The following NOS1AP variants were observed in gnomAD, a reference collection of about 807,000 sequenced individuals.
NOS1AP encodes the protein nitric oxide synthase 1 adaptor protein, also known as carboxyl-terminal PDZ ligand of neuronal nitric oxide synthase protein.
A neutral mutation model predicts 56.2 loss-of-function variants in NOS1AP; 21 were observed. The ratio of observed to expected loss-of-function variants is 0.37; its 90% confidence interval spans 0.26 to 0.54. The LOEUF is 0.54. NOS1AP is among the 20% of genes least tolerant of loss of function. The pLI is 0.84. For synonymous variants in NOS1AP, 270 were observed against 274.6 expected, an observed-to-expected ratio of 0.98 and a Z score of 0.17; for missense variants, 522 against 657.8, an observed-to-expected ratio of 0.79 and a Z score of 2.26.
chr1:162,226,992 A>G (rs2101664135), intron 2 of NOS1AP, among the ~76,000 whole-genome samples: 1 of 152,012 alleles, frequency 6.6e-6, no homozygotes, highest in East Asian at 1.9e-4. Context: ...CCATCATACT[A>G]CCTGAAATGA....
rs115139582 is a variant in NOS1AP at position 162,348,908 on chromosome 1, G to A, written c.595+4932G>A. Among the ~76,000 whole-genome samples, 668 of 152,280 alleles carry A rather than the reference G, an allele frequency of 4.4e-3. 4 individuals carry two copies. Among genetic ancestry groups the A allele is most frequent in the African/African-American group, 0.015 (623 of 41,550 alleles). Reference sequence around the variant, plus strand: ...CTCTATTAAGACCTTCAACTTTGCCGGGCGCAGTGGCTCATGCCTGTAATC... The same window carrying A: ...CTCTATTAAGACCTTCAACTTTGCCAGGCGCAGTGGCTCATGCCTGTAATC... On this transcript the variant is annotated intron_variant, in intron 6 of 9. Coordinates refer to ENST00000361897, the MANE Select transcript of NOS1AP (RefSeq NM_014697.3).
chr1:162,342,532 T>C, intron 5 of NOS1AP: 1 of 479,242 alleles, frequency 2.1e-6, no homozygotes, highest in South Asian at 1.5e-5. Flanking sequence ...CCAAGGTCCC[T>C]AGGAGTTCAC....
rs932454652 is a variant in NOS1AP, at chr1:162,261,137, A to G, written c.178-26207A>G. Among the ~76,000 whole-genome samples the G allele has an allele frequency of 2.7e-4, 37 of 139,610 alleles. 4 individuals carry two copies. The highest frequency in any genetic ancestry group is 3.5e-3 in the Middle Eastern group (1 of 282). The allele number at this position is 139,610 out of a possible 152,430, so 91.6% of individuals were successfully genotyped here. On this transcript the variant is annotated intron_variant, in intron 2 of 9. Coordinates refer to ENST00000361897, the MANE Select transcript of NOS1AP (RefSeq NM_014697.3). The stretch of plus-strand genomic sequence containing the variant: ...TTTGGAGATATATATGTTCAGGTAT[A>G]CTTGGCAGAAACAACCAGTAAATCT...
intron 2 of NOS1AP, among the ~76,000 whole-genome samples, chr1:162,170,237 A>G (rs1450078040): frequency 1.3e-5 from 2 of 152,188 alleles, no homozygotes; most frequent in African/African-American, 4.8e-5. Flanking sequence ...GATATTCTTG[A>G]GTGCTCACTA....
intron 4 of NOS1AP, among the ~76,000 whole-genome samples, chr1:162,307,532 G>A (rs934115194): frequency 1.3e-5 from 2 of 152,182 alleles, no homozygotes; most frequent in Admixed American, 6.5e-5. Flanking sequence ...GGCCAGACGC[G>A]GTGGCTCATG....
intron 1 of NOS1AP, among the ~76,000 whole-genome samples, chr1:162,148,869 A>G (rs750536681): frequency 2.1e-4 from 32 of 152,282 alleles, no homozygotes; most frequent in Non-Finnish European, 4.1e-4. Context: ...ATGGCAGTGT[A>G]GACAGAGAGG....
chr1:162,249,944 T>C (rs1653796060), intron 2 of NOS1AP, among the ~76,000 whole-genome samples: 1 of 152,158 alleles, frequency 6.6e-6, no homozygotes, highest in African/African-American at 2.4e-5. Flanking sequence ...AAGTAAAGAC[T>C]TTGTAGGTTG....
intron 2 of NOS1AP, among the ~76,000 whole-genome samples, chr1:162,211,770 C>T (rs576488484): frequency 2.6e-5 from 4 of 152,030 alleles, no homozygotes; most frequent in African/African-American, 4.8e-5. Context: ...CTTTGCTGAC[C>T]GTATCCTGGT....
intron 2 of NOS1AP, among the ~76,000 whole-genome samples, chr1:162,196,466 T>C (rs1410761841): frequency 1.3e-5 from 2 of 152,226 alleles, no homozygotes; most frequent in African/African-American, 4.8e-5. Context: ...GAAGATGTGG[T>C]GTGCAGCACA....
At chr1:162,181,872 A>C (rs1044482139) in intron 2 of NOS1AP, among the ~76,000 whole-genome samples, 1 of 152,216 alleles carries the variant, frequency 6.6e-6, no homozygotes, top group Admixed American at 6.5e-5. Flanking sequence ...GTCTGAGTTG[A>C]TTTCAAGTGT....
chr1:162,209,787 A>AT (rs1652287929), intron 2 of NOS1AP, among the ~76,000 whole-genome samples: 1 of 151,906 alleles, frequency 6.6e-6, no homozygotes, highest in Non-Finnish European at 1.5e-5. Flanking sequence ...GGGCAAGGGC[A>AT]GGGGGACTCT....
chr1:162,339,594 C>A (rs1657045243), intron 5 of NOS1AP, among the ~76,000 whole-genome samples: 1 of 152,078 alleles, frequency 6.6e-6, no homozygotes, highest in Admixed American at 6.6e-5. Context: ...TCTAGAAGAC[C>A]CACAGACAAG....
intron 4 of NOS1AP, among the ~76,000 whole-genome samples, chr1:162,319,426 G>A (rs537900079): frequency 6.6e-6 from 1 of 152,136 alleles, no homozygotes; most frequent in Admixed American, 6.5e-5. Flanking sequence ...CTTGCCCTGA[G>A]CCCACAAGGT....
At chr1:162,339,705 T>A (rs1657047556) in intron 5 of NOS1AP, among the ~76,000 whole-genome samples, 1 of 152,202 alleles carries the variant, frequency 6.6e-6, no homozygotes, top group Admixed American at 6.5e-5. Context: ...AATCCCAGCG[T>A]GTGTGATTCT....
intron 2 of NOS1AP, among the ~76,000 whole-genome samples, chr1:162,200,737 C>CTTTACCTTA (rs1557830649): frequency 1.3e-5 from 2 of 151,974 alleles, no homozygotes; most frequent in African/African-American, 2.4e-5. Context: ...TGGTGAATTT[C>CTTTACCTTA]ATCTTTACCT....
intron 2 of NOS1AP, among the ~76,000 whole-genome samples, chr1:162,258,801 T>A (rs1654115832): frequency 6.6e-6 from 1 of 152,096 alleles, no homozygotes; most frequent in South Asian, 2.1e-4. Context: ...AGTACATGGG[T>A]CTTTCTAGGA....
chr1:162,259,909 C>T (rs917451522), intron 2 of NOS1AP, among the ~76,000 whole-genome samples: 15 of 152,178 alleles, frequency 9.9e-5, no homozygotes, highest in Admixed American at 9.8e-4. Flanking sequence ...GTTGTTTTCT[C>T]CTAAGAAACT....
At chr1:162,243,869 C>G (rs893105161) in intron 2 of NOS1AP, among the ~76,000 whole-genome samples, 2 of 152,142 alleles carry the variant, frequency 1.3e-5, no homozygotes, top group African/African-American at 4.8e-5. Flanking sequence ...ACCGTCTTCC[C>G]CTCAAAGGGG....
At chr1:162,185,228 C>T (rs574686482) in intron 2 of NOS1AP, among the ~76,000 whole-genome samples, 1 of 152,324 alleles carries the variant, frequency 6.6e-6, no homozygotes, top group South Asian at 2.1e-4. Context: ...TCTCCATCTG[C>T]AGGGCCTTAA....
Sources: allele counts gnomAD v4.1 joint callset (sites outside exome capture counted in the v4.1 genomes callset), GRCh38; gene constraint gnomAD v4.1.1; transcripts MANE v1.5; gene names NCBI Gene and HGNC (gene_info 2026-07-23, HGNC 2026-07-21).